Variants in ANKRD44 observed in about 807,000 individuals in gnomAD.
ANKRD44 encodes ankyrin repeat domain 44, also known as serine/threonine-protein phosphatase 6 regulatory ankyrin repeat subunit B.
A neutral mutation model predicts 116.0 loss-of-function variants in ANKRD44; 35 were observed. The ratio of observed to expected loss-of-function variants is 0.30; its 90% CI spans 0.23 to 0.40. ANKRD44 has a LOEUF of 0.40. Ranked by LOEUF, ANKRD44 falls within the 10% of genes least tolerant of loss-of-function variation. ANKRD44 has a pLI of 1.00. For missense variants in ANKRD44, 1,014 were observed against 1,242.6 expected, an observed-to-expected ratio of 0.82 and a Z score of 2.77; for synonymous variants, 435 against 461.8, an observed-to-expected ratio of 0.94 and a Z score of 0.74.
At chr2:197,215,423 G>C (rs2081422865) in intron 1 of ANKRD44, among the ~76,000 whole-genome samples, 1 of 152,174 alleles carries the variant, frequency 6.6e-6, no homozygotes, top group South Asian at 2.1e-4. Flanking sequence ...GGTTCTCTCA[G>C]TGCAGGGGGT....
intron 6 of ANKRD44, among the ~76,000 whole-genome samples, chr2:197,123,970 C>A (rs1009819932): frequency 8.5e-5 from 13 of 152,140 alleles, no homozygotes; most frequent in Admixed American, 8.5e-4. Context: ...TCTTTAGAGT[C>A]ATTTATCCAA....
chr2:197,080,550 G>T (rs963161272), intron 15 of ANKRD44, among the ~76,000 whole-genome samples: 3 of 152,184 alleles, frequency 2.0e-5, no homozygotes, highest in Admixed American at 2.0e-4. Flanking sequence ...GGAAGCGTTT[G>T]CTGCAGTGGC....
intron 2 of ANKRD44, 45 bp downstream of exon 2, chr2:197,186,977 CT>C (rs2080690984): frequency 4.5e-6 from 7 of 1,547,570 alleles, no homozygotes; most frequent in Admixed American, 1.7e-5. Flanking sequence ...TCCTTTCCTG[CT>C]CCAGGCTAAC....
chr2:197,279,017 GAGA>G (rs1019166514), intron 1 of ANKRD44, among the ~76,000 whole-genome samples: 1 of 152,202 alleles, frequency 6.6e-6, no homozygotes, highest in African/African-American at 2.4e-5. Context: ...CATGTGTTGT[GAGA>G]AGGTCAGACT....
chr2:196,981,096 TCTTTA>T (rs1479691418), intron 21 of ANKRD44, among the ~76,000 whole-genome samples: 3 of 152,198 alleles, frequency 2.0e-5, no homozygotes, highest in African/African-American at 7.2e-5. Context: ...ACCTGTGAAA[TCTTTA>T]CTTTGGGCAC....
intron 13 of ANKRD44, among the ~76,000 whole-genome samples, chr2:197,086,359 C>T (rs558077436): frequency 4.3e-4 from 65 of 152,074 alleles, no homozygotes; most frequent in African/African-American, 1.5e-3. Flanking sequence ...GATCTTAAGA[C>T]TAGGATTTAT....
At chr2:197,088,642 A>T (rs898839990) in intron 12 of ANKRD44, 69 bp downstream of exon 12, 1 of 969,134 alleles carries the variant, frequency 1.0e-6, no homozygotes, top group Non-Finnish European at 1.4e-6. Context: ...TGATTCACAG[A>T]CAACTTAAGT....
At chr2:197,124,328 C>T (rs2125335006) in intron 6 of ANKRD44, among the ~76,000 whole-genome samples, 1 of 152,148 alleles carries the variant, frequency 6.6e-6, no homozygotes, top group Admixed American at 6.5e-5. Flanking sequence ...TGATAAAAGG[C>T]ACATATGCTT....
chr2:197,075,781 C>T (rs2077653040), intron 16 of ANKRD44, among the ~76,000 whole-genome samples: 1 of 152,170 alleles, frequency 6.6e-6, no homozygotes, highest in South Asian at 2.1e-4. Flanking sequence ...AAATTCCATG[C>T]TTACGATCAC....
chr2:196,984,062 G>T (rs2125866858), downstream of ANKRD44, among the ~76,000 whole-genome samples: 1 of 152,288 alleles, frequency 6.6e-6, no homozygotes, highest in South Asian at 2.1e-4. Context: ...CGTTCTGAGG[G>T]CATATAAAGT....
intron 1 of ANKRD44, among the ~76,000 whole-genome samples, chr2:197,229,044 A>G (rs1010435044): frequency 6.6e-6 from 1 of 152,178 alleles, no homozygotes; most frequent in Non-Finnish European, 1.5e-5. Context: ...ACACACACAC[A>G]AAAAGAGCTG....
intron 16 of ANKRD44, among the ~76,000 whole-genome samples, chr2:197,039,026 G>A (rs2076859259): frequency 6.6e-6 from 1 of 152,028 alleles, no homozygotes; most frequent in Admixed American, 6.6e-5. Flanking sequence ...TTAAGTAGTG[G>A]GAGAATTCCC....
At chr2:197,102,054 AAAAAACAAAAAAC>A (rs1191145717) in intron 9 of ANKRD44, among the ~76,000 whole-genome samples, 4 of 152,094 alleles carry the variant, frequency 2.6e-5, no homozygotes, top group Non-Finnish European at 5.9e-5. Context: ...GCTTTGCAAA[AAAAAACAAAAAAC>A]AAAAACAAAA....
chr2:197,006,020 T>A, intron 20 of ANKRD44, 110 bp from the exon 21 acceptor site: 1 of 959,746 alleles, frequency 1.0e-6, no homozygotes, highest in Non-Finnish European at 1.6e-6. Context: ...CCTGGGTCTT[T>A]AAGGAAGGCA....
intron 1 of ANKRD44, among the ~76,000 whole-genome samples, chr2:197,218,688 T>A (rs1373811582): frequency 6.8e-6 from 1 of 147,962 alleles, no homozygotes; most frequent in African/African-American, 2.5e-5. Context: ...GCCCAAGGGA[T>A]AGAGAAAAAA....
intron 2 of ANKRD44, among the ~76,000 whole-genome samples, chr2:197,173,638 T>C (rs2080293770): frequency 6.6e-6 from 1 of 152,170 alleles, no homozygotes; most frequent in Non-Finnish European, 1.5e-5. Flanking sequence ...CTGAGGGAAA[T>C]CTATTTTTAA....
At chr2:197,143,761 C>A (rs2079431701) in intron 3 of ANKRD44, among the ~76,000 whole-genome samples, 2 of 152,050 alleles carry the variant, frequency 1.3e-5, no homozygotes, top group South Asian at 4.2e-4. Flanking sequence ...TCCTGAGTAG[C>A]TGGGATTACA....
intron 1 of ANKRD44, among the ~76,000 whole-genome samples, chr2:197,188,324 C>G (rs1004024323): frequency 1.3e-5 from 2 of 152,046 alleles, no homozygotes; most frequent in African/African-American, 2.4e-5. Context: ...AAGGAAGGCA[C>G]CTTAATGAAT....
chr2:197,144,211 C>T (rs1451899976), intron 3 of ANKRD44, among the ~76,000 whole-genome samples: 2 of 152,200 alleles, frequency 1.3e-5, no homozygotes. Context: ...ACCTGGCTAA[C>T]AGGAGATAAT....
Sources: allele counts gnomAD v4.1 joint callset (sites outside exome capture counted in the v4.1 genomes callset), GRCh38; gene constraint gnomAD v4.1.1; transcripts MANE v1.5; gene names NCBI Gene and HGNC (gene_info 2026-07-23, HGNC 2026-07-21).